Variants in EPB41L4A observed in about 807,000 individuals in gnomAD.
The protein encoded by EPB41L4A is band 4.1-like protein 4A.
In EPB41L4A, 100 loss-of-function variants were observed where a neutral mutation model predicts 108.6. That is an observed-to-expected ratio of 0.92 (90% confidence interval 0.78 to 1.09). The LOEUF is 1.09. EPB41L4A is among the 50% of genes least tolerant of loss of function. EPB41L4A has a pLI of 0.00. For synonymous variants in EPB41L4A, 319 were observed against 289.0 expected (o/e 1.10, Z -1.05); for missense variants, 1,030 against 842.7 (o/e 1.22, Z -2.75).
In EPB41L4A at chr5:112,234,657, C is replaced by T. The variant is rs1268266280; in HGVS notation, c.1064G>A (p.Arg355Gln). The T allele has an allele frequency of 3.7e-6, 6 of 1,613,416 alleles. No homozygotes were observed. Among genetic ancestry groups the T allele is most frequent in the Non-Finnish European group, 5.1e-6 (6 of 1,179,526 alleles). ...ACCAGCTGGCTGTGTTTGTGCTATT[C>T]GCTTAGGGTAAGTCTTGCTTCGACT... ...TRSRSKTYPK[R>Q]IAQTQPAESN... Residue 355 changes from arginine to glutamine, a missense_variant, in exon 12 of 23, where the codon CGA becomes CAA. By Grantham distance (43) the Arg-to-Gln change is conservative (BLOSUM62 1). Transcript: ENST00000261486.
At chr5:112,214,183 C>A (rs1370412585) in intron 12 of EPB41L4A, among the ~76,000 whole-genome samples, 1 of 152,206 alleles carries the variant, frequency 6.6e-6, no homozygotes, top group Non-Finnish European at 1.5e-5. Flanking sequence ...AGTGACCTGA[C>A]AAATCCATCC....
chr5:112,381,179 G>A (rs913151904), intron 1 of EPB41L4A, among the ~76,000 whole-genome samples: 3 of 152,166 alleles, frequency 2.0e-5, no homozygotes, highest in African/African-American at 7.2e-5. Flanking sequence ...AGTTTCCTCA[G>A]ATATACTCAA....
chr5:112,205,572 T>C, intron 13 of EPB41L4A, 68 bp from the exon 14 acceptor site: 2 of 1,227,894 alleles, frequency 1.6e-6, no homozygotes, highest in Non-Finnish European at 2.3e-6. Flanking sequence ...ACATACTTAT[T>C]TGTTAAGTAA....
intron 1 of EPB41L4A, among the ~76,000 whole-genome samples, chr5:112,357,528 C>T (rs1334240925): frequency 1.3e-5 from 2 of 152,184 alleles, no homozygotes; most frequent in African/African-American, 2.4e-5. Flanking sequence ...GGAAAGGAAA[C>T]TTGGGCCCGG....
At position 112,419,248 on chromosome 5, in the gene EPB41L4A, G is replaced by C; in HGVS notation, c.-209C>G. ...GAAAAGCCCGGGAGAGTCAGCGCCC[G>C]GGAGCCGCCGGGGAAGCGCCGGCGG... On this transcript the variant is annotated 5_prime_UTR_variant, in exon 1 of 23. Coordinates refer to ENST00000261486, the MANE Select transcript of EPB41L4A (RefSeq NM_022140.5). The C allele has an allele frequency of 4.9e-6, 2 of 411,506 alleles. No individual in the cohort carries two copies. The highest frequency in any genetic ancestry group is 1.3e-3 in the Middle Eastern group (2 of 1,538). The allele number at this position is 411,506 out of a possible 1,614,324, so 25.5% of individuals were successfully genotyped here.
At chr5:112,399,126 A>T (rs1237068132) in intron 1 of EPB41L4A, among the ~76,000 whole-genome samples, 1 of 151,342 alleles carries the variant, frequency 6.6e-6, no homozygotes, top group Non-Finnish European at 1.5e-5. Flanking sequence ...CTCTCAATAC[A>T]CCCTCCCCTG....
intron 1 of EPB41L4A, among the ~76,000 whole-genome samples, chr5:112,390,843 C>A (rs1760888117): frequency 6.6e-6 from 1 of 152,152 alleles, no homozygotes; most frequent in Non-Finnish European, 1.5e-5. Flanking sequence ...TGAGACAAAG[C>A]TTCCAGAGGA....
At chr5:112,298,217 C>A (rs900515067) in intron 2 of EPB41L4A, among the ~76,000 whole-genome samples, 5 of 152,042 alleles carry the variant, frequency 3.3e-5, no homozygotes, top group Non-Finnish European at 7.4e-5. Context: ...TTGCTTCTGG[C>A]AGTATGGTCA....
In EPB41L4A at chr5:112,290,252, CTTTT is replaced by C. The variant is rs561195695; in HGVS notation, c.205-9933_205-9930del. On this transcript the variant is annotated intron_variant, in intron 2 of 22. Coordinates refer to ENST00000261486, the MANE Select transcript of EPB41L4A (RefSeq NM_022140.5). ...TAATAAAGTGGTCTGATGAAAGCTG[CTTTT>C]TTTGTTACTGAAAATACACTGGATT... Among the ~76,000 whole-genome samples the C allele has an allele frequency of 3.9e-5, 6 of 152,244 alleles. No homozygotes were observed. The South Asian group carries it at 1.2e-3, about 32-fold the overall frequency.
At position 112,339,484 on chromosome 5, in the gene EPB41L4A, A is replaced by C. The variant is rs76397285; in HGVS notation, c.100-31994T>G. 9.2e-3 allele frequency among the ~76,000 whole-genome samples: 324 copies of C among 35,302 alleles called. 7 individuals are homozygous for C. The South Asian group carries it at 0.093, about 10-fold the overall frequency. 23.2% of individuals were successfully genotyped at this position (35,302 alleles called of 152,430 possible). A position where few individuals can be genotyped will look rare whatever the true frequency, so the allele number is the denominator to read the frequency against. ...TAGATATATATATATCTATATATATATATATATATATCTATATATATATAT... is the reference window on the plus strand; with the variant it reads ...TAGATATATATATATCTATATATATCTATATATATATCTATATATATATAT... On this transcript the variant is annotated intron_variant, in intron 1 of 22. Transcript: ENST00000261486.
intron 18 of EPB41L4A, among the ~76,000 whole-genome samples, chr5:112,176,921 A>G (rs1760898413): frequency 6.6e-6 from 1 of 151,454 alleles, no homozygotes; most frequent in East Asian, 2.0e-4. Context: ...CACCCAGCTA[A>G]TTTTTGTATT....
intron 1 of EPB41L4A, among the ~76,000 whole-genome samples, chr5:112,309,148 A>T (rs1200673094): frequency 1.3e-5 from 2 of 152,164 alleles, no homozygotes; most frequent in Non-Finnish European, 2.9e-5. Context: ...TTCCAAATGG[A>T]CAGACAACTG....
intron 12 of EPB41L4A, among the ~76,000 whole-genome samples, chr5:112,229,987 C>CAAAAAAAAA (rs71224877): frequency 4.9e-4 from 38 of 77,200 alleles, no homozygotes; most frequent in South Asian, 8.4e-4. Flanking sequence ...GACTCTGTCT[C>CAAAAAAAAA]AAAAAAAAAA....
chr5:112,198,119 C>T (rs930254141), intron 15 of EPB41L4A, among the ~76,000 whole-genome samples: 2 of 152,030 alleles, frequency 1.3e-5, no homozygotes, highest in Non-Finnish European at 2.9e-5. Context: ...CTGCAACCTC[C>T]GCCTTCCGGG....
At chr5:112,217,387 G>T (rs1026468084) in intron 12 of EPB41L4A, among the ~76,000 whole-genome samples, 5 of 152,288 alleles carry the variant, frequency 3.3e-5, no homozygotes, top group East Asian at 3.9e-4. Flanking sequence ...ATCCCCAAAA[G>T]GCAGCCAGAT....
chr5:112,242,339 G>A (rs1204247724), intron 9 of EPB41L4A, among the ~76,000 whole-genome samples: 4 of 152,200 alleles, frequency 2.6e-5, no homozygotes, highest in Non-Finnish European at 5.9e-5. Context: ...TTCACCAGGA[G>A]TAGATTCCAA....
chr5:112,269,334 T>A (rs1752096278), intron 4 of EPB41L4A, among the ~76,000 whole-genome samples: 1 of 152,148 alleles, frequency 6.6e-6, no homozygotes, highest in South Asian at 2.1e-4. Context: ...ATAGCAAGCA[T>A]CTTAGTAGAG....
chr5:112,412,227 T>C (rs182871210), intron 1 of EPB41L4A, among the ~76,000 whole-genome samples: 6 of 152,336 alleles, frequency 3.9e-5, no homozygotes. Flanking sequence ...TCTCTTGTTC[T>C]AACTTCCTCT....
intron 12 of EPB41L4A, among the ~76,000 whole-genome samples, chr5:112,231,786 C>T (rs1463197595): frequency 5.7e-4 from 51 of 90,222 alleles, no homozygotes; most frequent in East Asian, 1.5e-3. Flanking sequence ...AGCTAGACTC[C>T]GTCTCAAAAA....
Sources: allele counts gnomAD v4.1 joint callset (sites outside exome capture counted in the v4.1 genomes callset), GRCh38; gene constraint gnomAD v4.1.1; transcripts MANE v1.5; gene names NCBI Gene and HGNC (gene_info 2026-07-23, HGNC 2026-07-21).